Variants in TRHR observed in about 807,000 individuals in gnomAD.
TRHR encodes thyrotropin releasing hormone receptor, also known as thyrotropin-releasing hormone receptor.
A neutral mutation model predicts 28.0 loss-of-function variants in TRHR; 14 were observed. The observed-to-expected ratio is 0.50, with a 90% confidence interval of 0.33 to 0.78. The LOEUF (loss-of-function observed/expected upper bound fraction) is 0.78, where lower values mean the gene tolerates loss of function less well. Ranked by LOEUF, TRHR falls within the 30% of genes least tolerant of loss-of-function variation. TRHR has a pLI of 0.02. For missense variants in TRHR, 438 were observed against 469.5 expected, an observed-to-expected ratio of 0.93 and a Z score of 0.62; for synonymous variants, 176 against 171.9, an observed-to-expected ratio of 1.02 and a Z score of -0.18.
In TRHR at chr8:109,119,545, G is replaced by T; in HGVS notation, c.*90G>T. ...GAGAACATGGCCAATAGTCATATGT[G>T]AAGACAGAGCAGATCAGTCTTTGTC... is the stretch of plus-strand genomic sequence containing the variant. On this transcript the variant is annotated 3_prime_UTR_variant, in exon 3 of 3. Coordinates refer to ENST00000518632, the MANE Select transcript of TRHR (RefSeq NM_003301.7). 6.8e-7 allele frequency: 1 copy of T among 1,474,374 alleles called. No homozygotes were observed. Among genetic ancestry groups the T allele is most frequent in the South Asian group, 1.2e-5 (1 of 85,792 alleles). 91.3% of individuals were successfully genotyped at this position (1,474,374 alleles called of 1,614,324 possible).
intron 2 of TRHR, among the ~76,000 whole-genome samples, chr8:109,116,529 G>C (rs944265185): frequency 6.6e-6 from 1 of 151,972 alleles, no homozygotes; most frequent in Non-Finnish European, 1.5e-5. Context: ...GTTTAGTCTT[G>C]GGAGGGTGTA....
chr8:109,117,259 T>G (rs1012758370), intron 2 of TRHR, among the ~76,000 whole-genome samples: 2 of 151,906 alleles, frequency 1.3e-5, no homozygotes, highest in African/African-American at 4.8e-5. Flanking sequence ...AGCATGACCT[T>G]TGTCTTAAGT....
intron 2 of TRHR, among the ~76,000 whole-genome samples, chr8:109,104,404 A>G (rs572728301): frequency 6.6e-6 from 1 of 152,298 alleles, no homozygotes; most frequent in Non-Finnish European, 1.5e-5. Flanking sequence ...TTCAGAAGTA[A>G]AACATCTTGG....
intron 2 of TRHR, among the ~76,000 whole-genome samples, chr8:109,116,376 G>A (rs997794372): frequency 2.0e-5 from 3 of 152,116 alleles, no homozygotes; most frequent in Non-Finnish European, 2.9e-5. Context: ...CAGAAGGAAT[G>A]GTACCAGCTC....
chr8:109,088,441 C>G (rs1563620462), intron 2 of TRHR, 140 bp downstream of exon 2: 11 of 935,480 alleles, frequency 1.2e-5, no homozygotes, highest in Non-Finnish European at 1.8e-5. Context: ...AAGCTTCTGC[C>G]TAACATATTA....
chr8:109,114,653 A>G (rs1811891132), intron 2 of TRHR, among the ~76,000 whole-genome samples: 1 of 152,018 alleles, frequency 6.6e-6, no homozygotes, highest in South Asian at 2.1e-4. Context: ...CCACTGTTAC[A>G]CTTCCAGATT....
rs571160436 is a variant in TRHR at position 109,093,968 on chromosome 8, G to A, written c.789+5667G>A. 1.3e-4 allele frequency among the ~76,000 whole-genome samples: 20 copies of A among 152,098 alleles called. No homozygotes were observed. In the South Asian group the frequency reaches 4.2e-3, roughly 32 times the overall value. On this transcript the variant is annotated intron_variant, in intron 2 of 2. Transcript: ENST00000518632. The stretch of plus-strand genomic sequence containing the variant: ...ATTCATGAGAGGCTACGTAAAACCT[G>A]TAAGACACATAGGAAAGGAGGCACA...
chr8:109,096,304 T>C (rs1207210287), intron 2 of TRHR, among the ~76,000 whole-genome samples: 2 of 152,226 alleles, frequency 1.3e-5, no homozygotes, highest in African/African-American at 4.8e-5. Flanking sequence ...AGCCACCTCA[T>C]CAAGCCTTCA....
At chr8:109,114,836 T>G (rs1293413327) in intron 2 of TRHR, among the ~76,000 whole-genome samples, 1 of 152,040 alleles carries the variant, frequency 6.6e-6, no homozygotes, top group Non-Finnish European at 1.5e-5. Context: ...GTATTATAAT[T>G]GTTCATCAGA....
chr8:109,118,916 A>G (rs1439257701), intron 2 of TRHR, 132 bp from the exon 3 acceptor site: 1 of 1,136,754 alleles, frequency 8.8e-7, no homozygotes, highest in African/African-American at 1.5e-5. Flanking sequence ...TCACCTCCCC[A>G]ATAAATGACC....
rs1040759962 is a variant in TRHR, at chr8:109,121,491, C to G, written c.*2036C>G. Among the ~76,000 whole-genome samples, 3 of 151,694 alleles carry G rather than the reference C, an allele frequency of 2.0e-5. No individual in the cohort carries two copies. Among genetic ancestry groups the G allele is most frequent in the Admixed American group, 6.6e-5 (1 of 15,180 alleles). On this transcript the variant is annotated 3_prime_UTR_variant, in exon 3 of 3. Transcript: ENST00000518632. ...CACAATTTCACTACAGCTGTAATTT[C>G]TCTGATGATTAGACCAGTATTCCTG...
Position 109,088,065 on chromosome 8 carries a change from A to C in TRHR, c.553A>C (p.Arg185=), listed in dbSNP as rs1586183079. 1 of 1,614,064 alleles carries C rather than the reference A, an allele frequency of 6.2e-7. No individual in the cohort carries two copies. Among genetic ancestry groups the C allele is most frequent in the Non-Finnish European group, 8.5e-7 (1 of 1,180,036 alleles). The change falls in exon 2 of 3, where the codon AGG becomes CGG. Residue 185 remains arginine, a synonymous_variant. Transcript: ENST00000518632. Reference sequence around the variant, plus strand: ...GATATCCTGTGGCTACAAGATCTCCAGGAATTACTACTCACCTATTTACCT... The same window carrying C: ...GATATCCTGTGGCTACAAGATCTCCCGGAATTACTACTCACCTATTTACCT... ...IVISCGYKIS[R]NYYSPIYLMD... is the part of the protein sequence containing the mutation.
At chr8:109,116,454 C>G (rs959584723) in intron 2 of TRHR, among the ~76,000 whole-genome samples, 60 of 152,004 alleles carry the variant, frequency 3.9e-4, no homozygotes, top group African/African-American at 1.2e-3. Flanking sequence ...GGTTGGTAGT[C>G]TATTAATTAT....
In TRHR at chr8:109,096,289, T is replaced by C. The variant is rs192563794; in HGVS notation, c.789+7988T>C. ...ATTTTTCAAGTCATAAATCAAATGA[T>C]GCCCAGCCACCTCATCAAGCCTTCA... On this transcript the variant is annotated intron_variant, in intron 2 of 2. Coordinates refer to ENST00000518632, the MANE Select transcript of TRHR (RefSeq NM_003301.7). 5.7e-4 allele frequency among the ~76,000 whole-genome samples: 87 copies of C among 152,344 alleles called. 1 individual carries two copies. The highest frequency in any genetic ancestry group is 3.4e-3 in the Middle Eastern group (1 of 294).
In TRHR at chr8:109,094,995, C is replaced by T. The variant is rs149378655; in HGVS notation, c.789+6694C>T. Among the ~76,000 whole-genome samples, 551 of 151,680 alleles carry T rather than the reference C, an allele frequency of 3.6e-3. 4 individuals are homozygous for T. The highest frequency in any genetic ancestry group is 0.012 in the African/African-American group (497 of 41,366). ...TCTGATTGGTAAGTATGTTCTTAGT[C>T]TCCTTTAGGTTTTTTTTTTTAATGA... On this transcript the variant is annotated intron_variant, in intron 2 of 2. Coordinates refer to ENST00000518632, the MANE Select transcript of TRHR (RefSeq NM_003301.7).
chr8:109,109,085 T>C (rs1326453790), intron 2 of TRHR, among the ~76,000 whole-genome samples: 1 of 152,220 alleles, frequency 6.6e-6, no homozygotes, highest in Non-Finnish European at 1.5e-5. Flanking sequence ...AAGGACTTAG[T>C]ATCACAGCGT....
chr8:109,093,400 C>CTTTTTT (rs34645119), intron 2 of TRHR, among the ~76,000 whole-genome samples: 33 of 77,392 alleles, frequency 4.3e-4, no homozygotes, highest in East Asian at 7.9e-4. Flanking sequence ...GTGCTATTTA[C>CTTTTTT]TTTTTTTTTT....
chr8:109,087,756 A>T lies in TRHR; in HGVS notation c.244A>T (p.Asn82Tyr), dbSNP rs1811458869. The T allele has an allele frequency of 1.2e-6, 2 of 1,614,168 alleles. No homozygotes were observed. The highest frequency in any genetic ancestry group is 2.7e-5 in the African/African-American group (2 of 75,050). ...GGTCTTGGTGGCCGCAGGCCTCCCCAACATAACAGACAGTATCTACGGTTC... is the reference window on the plus strand; with the variant it reads ...GGTCTTGGTGGCCGCAGGCCTCCCCTACATAACAGACAGTATCTACGGTTC... ...LMVLVAAGLP[N>Y]ITDSIYGSWV... The change falls in exon 2 of 3, where the codon AAC (asparagine) becomes TAC (tyrosine). Residue 82 changes from asparagine to tyrosine, a missense_variant. Asn to Tyr is a moderately radical substitution (Grantham distance 143). Transcript: ENST00000518632.
intron 2 of TRHR, among the ~76,000 whole-genome samples, chr8:109,108,342 G>A (rs1811782230): frequency 6.6e-6 from 1 of 152,060 alleles, no homozygotes; most frequent in Admixed American, 6.6e-5. Context: ...AGCAGCTGAG[G>A]AATCACTTAT....
Sources: gnomAD v4.1 joint callset for allele counts (sites outside exome capture counted in the v4.1 genomes callset) on GRCh38, gnomAD v4.1.1 for gene constraint, MANE v1.5 for transcripts, NCBI Gene and HGNC (gene_info 2026-07-23, HGNC 2026-07-21) for gene names.